The following CLMP variants were observed in gnomAD, a reference collection of about 807,000 sequenced individuals.
The protein encoded by CLMP is CXADR-like membrane protein.
CLMP carries 27 observed loss-of-function variants against 45.2 expected under a neutral mutation model. The observed-to-expected ratio is 0.60, with a 90% CI of 0.44 to 0.82. The LOEUF is 0.82. CLMP is among the 40% of genes least tolerant of loss of function. CLMP has a pLI of 0.00. For synonymous variants in CLMP, 167 were observed against 171.4 expected (o/e 0.97, Z 0.20); for missense variants, 403 against 448.4 (o/e 0.90, Z 0.91).
intron 1 of CLMP, among the ~76,000 whole-genome samples, chr11:123,147,244 C>G (rs997162203): frequency 7.9e-5 from 12 of 152,106 alleles, no homozygotes; most frequent in Non-Finnish European, 1.5e-4. Flanking sequence ...TTGCCATGCT[C>G]TGTTCCAGCT....
chr11:123,150,584 A>G (rs984988441), intron 1 of CLMP, among the ~76,000 whole-genome samples: 6 of 131,672 alleles, frequency 4.6e-5, no homozygotes, highest in Admixed American at 1.7e-4. Context: ...AAGGAAGGAA[A>G]GGAAGGAAGG....
intron 1 of CLMP, among the ~76,000 whole-genome samples, chr11:123,143,493 A>G (rs1314553099): frequency 6.7e-6 from 1 of 149,622 alleles, no homozygotes. Context: ...TGAAGAAGTT[A>G]GCTGCCATGT....
chr11:123,175,400 C>CTTCTAAACACTTATAAGA (rs1565404132), intron 1 of CLMP, among the ~76,000 whole-genome samples: 2 of 152,108 alleles, frequency 1.3e-5, no homozygotes, highest in African/African-American at 4.8e-5. Flanking sequence ...ATGGGGGGAA[C>CTTCTAAACACTTATAAGA]CACCCCATGA....
chr11:123,088,725 A>G (rs1407410085), intron 2 of CLMP, among the ~76,000 whole-genome samples: 1 of 152,182 alleles, frequency 6.6e-6, no homozygotes, highest in Non-Finnish European at 1.5e-5. Context: ...TCCTGGGTTC[A>G]AGCGATTCTC....
intron 1 of CLMP, among the ~76,000 whole-genome samples, chr11:123,149,797 T>C (rs1274063157): frequency 6.6e-6 from 1 of 150,550 alleles, no homozygotes; most frequent in Non-Finnish European, 1.5e-5. Context: ...CTTCCTTTCT[T>C]TCTTTCTTTG....
intron 1 of CLMP, among the ~76,000 whole-genome samples, chr11:123,173,608 C>T (rs1426636092): frequency 1.3e-5 from 2 of 152,150 alleles, no homozygotes; most frequent in Non-Finnish European, 2.9e-5. Flanking sequence ...TAGTTTGTGA[C>T]TTTGGCCACA....
At chr11:123,095,008 T>G (rs979765475) in intron 2 of CLMP, among the ~76,000 whole-genome samples, 23 of 152,328 alleles carry the variant, frequency 1.5e-4, no homozygotes, top group Admixed American at 1.2e-3. Context: ...TCTTCTTCAC[T>G]ATTGTATCCT....
intron 1 of CLMP, among the ~76,000 whole-genome samples, chr11:123,111,208 G>A (rs982622212): frequency 6.6e-6 from 1 of 151,950 alleles, no homozygotes; most frequent in African/African-American, 2.4e-5. Flanking sequence ...GGCACGATCT[G>A]GGCTCACTGC....
rs1402432991 is a variant in CLMP at position 123,074,800 on chromosome 11, T to C, written c.723A>G (p.Ile241Met). 1.9e-6 allele frequency: 3 copies of C among 1,614,164 alleles called. No individual in the cohort carries two copies. The East Asian group carries it at 6.7e-5, about 36-fold the overall frequency. Residue 241 changes from isoleucine (I) to methionine (M), a missense_variant, in exon 6 of 7, where the codon ATA becomes ATG. Transcript: ENST00000448775. ...GGAAAATCAGCAGGGCTCCAGCCAC[T>C]ATGCCTGTCACTGCTCCTGCAACCA... Reference protein sequence around the residue: ...IGMVAGAVTGIVAGALLIFLL... With the variant: ...IGMVAGAVTGMVAGALLIFLL...
At chr11:123,144,479 C>G (rs972021805) in intron 1 of CLMP, among the ~76,000 whole-genome samples, 1 of 152,200 alleles carries the variant, frequency 6.6e-6, no homozygotes, top group African/African-American at 2.4e-5. Context: ...TCAAGCGATT[C>G]TCCTGTCTCA....
intron 1 of CLMP, among the ~76,000 whole-genome samples, chr11:123,137,222 C>T (rs1364054196): frequency 3.0e-5 from 4 of 132,822 alleles, no homozygotes; most frequent in African/African-American, 1.2e-4. Context: ...GGCGCGATCT[C>T]GGCTCACTGC....
intron 1 of CLMP, among the ~76,000 whole-genome samples, chr11:123,142,528 T>C (rs6589967): frequency 0.43 from 65,940 of 151,646 alleles, 15,692 homozygotes; most frequent in African/African-American, 0.64. Context: ...ATCCTACAGT[T>C]AAGCCCTAAG....
At chr11:123,074,320 A>G (rs755758137) in intron 6 of CLMP, among the ~76,000 whole-genome samples, 32 of 151,794 alleles carry the variant, frequency 2.1e-4, no homozygotes, top group Middle Eastern at 3.2e-3. Context: ...GACTACAGGC[A>G]TGGGCTACCA....
At chr11:123,111,235 G>T (rs1591462445) in intron 1 of CLMP, among the ~76,000 whole-genome samples, 1 of 152,058 alleles carries the variant, frequency 6.6e-6, no homozygotes, top group Non-Finnish European at 1.5e-5. Context: ...TGCCTCCTGG[G>T]TTCAAGTGCC....
In CLMP at chr11:123,070,656, G is replaced by A. The variant is rs902470798; in HGVS notation, c.*2818C>T. The A allele has an allele frequency of 2.0e-5, 3 of 152,198 alleles. No individual in the cohort carries two copies. The highest frequency in any genetic ancestry group is 4.4e-5 in the Non-Finnish European group (3 of 68,048). 9.4% of individuals were successfully genotyped at this position (152,198 alleles called of 1,614,324 possible). On this transcript the variant is annotated 3_prime_UTR_variant, in exon 7 of 7. Coordinates refer to ENST00000448775, the MANE Select transcript of CLMP (RefSeq NM_024769.5). ...CAGCTGCAGCTTCCGTTGTGTATTT[G>A]TTTGGCTCAGGTACTCTAGAAATGA...
rs372075967 is a variant in CLMP, at chr11:123,118,953, C to A, written c.29-21001G>T. On this transcript the variant is annotated intron_variant, in intron 1 of 6. Coordinates refer to ENST00000448775, the MANE Select transcript of CLMP (RefSeq NM_024769.5). ...CTTTTCTTTCTTTCTTTCTTTCTTT[C>A]TTTCTTTCTTTCTTTCTTTCTTTCT... Among the ~76,000 whole-genome samples, 12 of 26,628 alleles carry A rather than the reference C, an allele frequency of 4.5e-4. No homozygotes were observed. The South Asian group carries it at 0.018, about 40-fold the overall frequency. 17.5% of individuals were successfully genotyped at this position (26,628 alleles called of 152,430 possible). A position where few individuals can be genotyped will look rare whatever the true frequency, so the allele number is the denominator to read the frequency against.
chr11:123,093,045 C>A (rs1045827451), intron 2 of CLMP, among the ~76,000 whole-genome samples: 3 of 151,090 alleles, frequency 2.0e-5, no homozygotes, highest in African/African-American at 7.3e-5. Context: ...GTAACTGGGA[C>A]TACAGGCACC....
At chr11:123,114,230 T>C (rs1388970555) in intron 1 of CLMP, among the ~76,000 whole-genome samples, 2 of 152,208 alleles carry the variant, frequency 1.3e-5, no homozygotes, top group African/African-American at 4.8e-5. Context: ...TGAGATTATG[T>C]TGATAATTAA....
chr11:123,178,030 T>A (rs1170971449), intron 1 of CLMP, among the ~76,000 whole-genome samples: 1 of 151,792 alleles, frequency 6.6e-6, no homozygotes, highest in Non-Finnish European at 1.5e-5. Flanking sequence ...GCTGGGCTAA[T>A]TTTTTTTGTA....
Sources: allele counts gnomAD v4.1 joint callset (sites outside exome capture counted in the v4.1 genomes callset), GRCh38; gene constraint gnomAD v4.1.1; transcripts MANE v1.5; gene names NCBI Gene and HGNC (gene_info 2026-07-23, HGNC 2026-07-21).